The following DNAJC6 variants were observed in gnomAD, a reference collection of about 807,000 sequenced individuals.
The protein encoded by DNAJC6 is DnaJ heat shock protein family (Hsp40) member C6, also known as auxilin.
DNAJC6 carries 34 observed loss-of-function variants against 110.0 expected under a neutral mutation model. That is an observed-to-expected ratio of 0.31 (90% CI 0.24 to 0.41). DNAJC6 has a LOEUF of 0.41. Ranked by LOEUF, DNAJC6 falls within the 10% of genes least tolerant of loss-of-function variation. The pLI, the probability that DNAJC6 is intolerant of heterozygous loss-of-function variation, is 1.00. For missense variants in DNAJC6, 1,031 were observed against 1,207.8 expected (o/e 0.85, Z 2.17); for synonymous variants, 406 against 437.2 (o/e 0.93, Z 0.89).
At chr1:65,267,887 TG>T (rs924330859) in intron 1 of DNAJC6, among the ~76,000 whole-genome samples, 15 of 8,398 alleles carry the variant, frequency 1.8e-3, no homozygotes, top group African/African-American at 3.9e-3. Flanking sequence ...TGTGAGGTGG[TG>T]TGTGTGTGTG....
chr1:65,329,065 G>A lies in DNAJC6; in HGVS notation c.193+19127G>A, dbSNP rs117359178. 6.7e-4 allele frequency among the ~76,000 whole-genome samples: 102 copies of A among 152,074 alleles called. 3 individuals carry two copies. In the East Asian group the frequency reaches 0.018, roughly 27 times the overall value. ...ATAAATAAATAGTGAATGGGTAGATGGAGGTCTGGATGAGAGTCCTTTCCC... is the reference window on the plus strand; with the variant it reads ...ATAAATAAATAGTGAATGGGTAGATAGAGGTCTGGATGAGAGTCCTTTCCC... On this transcript the variant is annotated intron_variant, in intron 1 of 18. Transcript: ENST00000371069.
chr1:65,293,150 C>G (rs573500486), intron 1 of DNAJC6, among the ~76,000 whole-genome samples: 1 of 152,242 alleles, frequency 6.6e-6, no homozygotes, highest in Admixed American at 6.5e-5. Flanking sequence ...GCATAAACAA[C>G]ACACACTTAT....
At chr1:65,361,738 A>T (rs1645599216) in intron 1 of DNAJC6, among the ~76,000 whole-genome samples, 1 of 152,228 alleles carries the variant, frequency 6.6e-6, no homozygotes, top group South Asian at 2.1e-4. Flanking sequence ...TGGTTTGTCA[A>T]TATCTAGATA....
intron 18 of DNAJC6, among the ~76,000 whole-genome samples, chr1:65,412,342 A>G (rs535904861): frequency 6.6e-6 from 1 of 152,330 alleles, no homozygotes; most frequent in African/African-American, 2.4e-5. Context: ...CACATAGACT[A>G]TACCAGTCAT....
At chr1:65,396,160 T>C (rs969893556) in intron 13 of DNAJC6, among the ~76,000 whole-genome samples, 2 of 152,168 alleles carry the variant, frequency 1.3e-5, no homozygotes, top group African/African-American at 4.8e-5. Flanking sequence ...TCAAACTATT[T>C]GAAGTGCATC....
intron 1 of DNAJC6, among the ~76,000 whole-genome samples, chr1:65,348,040 G>C (rs1257311039): frequency 2.0e-5 from 3 of 152,112 alleles, no homozygotes; most frequent in Admixed American, 2.0e-4. Flanking sequence ...ATCTTCCCCA[G>C]TCTAGGCTCT....
At chr1:65,317,941 T>G (rs368497136) in intron 1 of DNAJC6, among the ~76,000 whole-genome samples, 1 of 152,232 alleles carries the variant, frequency 6.6e-6, no homozygotes, top group African/African-American at 2.4e-5. Flanking sequence ...GTTTTGGGCT[T>G]TGGGCTAATG....
At chr1:65,273,197 T>G (rs10889532) in intron 1 of DNAJC6, among the ~76,000 whole-genome samples, 110,698 of 152,024 alleles carry the variant, frequency 0.73, 41,468 homozygotes, top group East Asian at 0.98. Context: ...CCTCTTACAC[T>G]CTTTGGCTAT....
chr1:65,273,980 T>G (rs1653586153), intron 1 of DNAJC6, among the ~76,000 whole-genome samples: 1 of 152,200 alleles, frequency 6.6e-6, no homozygotes, highest in African/African-American at 2.4e-5. Context: ...TTATTTCAAT[T>G]TGTTAATCCT....
intron 1 of DNAJC6, among the ~76,000 whole-genome samples, chr1:65,317,141 T>A (rs1434296782): frequency 3.9e-5 from 6 of 152,252 alleles, no homozygotes; most frequent in Non-Finnish European, 8.8e-5. Flanking sequence ...AACTGCTTTT[T>A]TAAATCTGTG....
In DNAJC6 at chr1:65,351,926, G is replaced by A. The variant is rs559001764; in HGVS notation, c.194-12709G>A. On this transcript the variant is annotated intron_variant, in intron 1 of 18. Transcript: ENST00000371069. ...ATTACAGGCGTCCACCACCATGCCCGGCTAATTTTTTGTGTTTTTAGTAGA... is the reference window on the plus strand; with the variant it reads ...ATTACAGGCGTCCACCACCATGCCCAGCTAATTTTTTGTGTTTTTAGTAGA... Among the ~76,000 whole-genome samples, 237 of 152,054 alleles carry A rather than the reference G, an allele frequency of 1.6e-3. 2 individuals carry two copies. Among genetic ancestry groups the A allele is most frequent in the African/African-American group, 5.0e-3 (207 of 41,494 alleles).
At chr1:65,349,616 A>G (rs1202976541) in intron 1 of DNAJC6, among the ~76,000 whole-genome samples, 1 of 152,146 alleles carries the variant, frequency 6.6e-6, no homozygotes, top group Non-Finnish European at 1.5e-5. Context: ...TCAGCACTCT[A>G]AAAAAATTCA....
At chr1:65,285,922 C>T (rs527574789) in intron 1 of DNAJC6, among the ~76,000 whole-genome samples, 8 of 152,242 alleles carry the variant, frequency 5.3e-5, no homozygotes, top group South Asian at 2.1e-4. Context: ...CTGCCCGCCT[C>T]GGCCTTCCAA....
intron 1 of DNAJC6, among the ~76,000 whole-genome samples, chr1:65,271,146 G>A (rs1570193906): frequency 7.7e-6 from 1 of 130,406 alleles, no homozygotes; most frequent in East Asian, 3.1e-4. Flanking sequence ...GACGATAACT[G>A]TATATATTTA....
chr1:65,359,567 T>C (rs937522023), intron 1 of DNAJC6, among the ~76,000 whole-genome samples: 8 of 152,158 alleles, frequency 5.3e-5, no homozygotes, highest in African/African-American at 1.9e-4. Flanking sequence ...CTTCACTCTC[T>C]TACACCCTCA....
At chr1:65,313,955 C>A (rs1001317982) in intron 1 of DNAJC6, among the ~76,000 whole-genome samples, 9 of 152,148 alleles carry the variant, frequency 5.9e-5, no homozygotes, top group Admixed American at 4.6e-4. Flanking sequence ...GAAAGTAGAA[C>A]CACAAAAGTA....
intron 1 of DNAJC6, among the ~76,000 whole-genome samples, chr1:65,338,016 A>T: frequency 6.6e-6 from 1 of 152,182 alleles, no homozygotes; most frequent in East Asian, 1.9e-4. Context: ...CTCATCTTGT[A>T]TGTTTTCTGC....
rs1209063835 is a variant in DNAJC6, at chr1:65,406,124, A to G, written c.2482A>G (p.Ser828Gly). 1.9e-6 allele frequency: 3 copies of G among 1,613,708 alleles called. No individual in the cohort carries two copies. The highest frequency in any genetic ancestry group is 2.2e-5 in the East Asian group (1 of 44,886). ...GGQNERGKGS[S>G]NLEGKQKAAD... ...CCAGAACGAACGTGGGAAAGGATCA[A>G]GTAATTTGGGTAAGGATAATGGTAT... Residue 828 changes from serine (S) to glycine (G), a missense_variant, in exon 16 of 19, where the codon AGT becomes GGT. Coordinates refer to ENST00000371069, the MANE Select transcript of DNAJC6 (RefSeq NM_001256864.2).
rs1325050885 is a variant in DNAJC6, at chr1:65,379,354, A to T, written c.544-48A>T. The stretch of plus-strand genomic sequence containing the variant: ...GGTTGGTGTGATAACCTGCTTATGA[A>T]GAGGAAGTTGCTGGAGGAATTAATT... On this transcript the variant is annotated intron_variant, in intron 4 of 18. Coordinates refer to ENST00000371069, the MANE Select transcript of DNAJC6 (RefSeq NM_001256864.2). 2.5e-6 allele frequency: 4 copies of T among 1,609,648 alleles called. No individual in the cohort carries two copies. In the East Asian group the frequency reaches 8.9e-5, roughly 36 times the overall value.
Sources: gnomAD v4.1 joint callset for allele counts (sites outside exome capture counted in the v4.1 genomes callset) on GRCh38, gnomAD v4.1.1 for gene constraint, MANE v1.5 for transcripts, NCBI Gene and HGNC (gene_info 2026-07-23, HGNC 2026-07-21) for gene names.